PTPRS: variants seen among roughly 807,000 people sequenced by gnomAD.
PTPRS encodes the protein protein tyrosine phosphatase receptor type S.
PTPRS carries 63 observed loss-of-function variants against 215.3 expected under a neutral mutation model. The observed-to-expected ratio is 0.29, with a 90% CI of 0.24 to 0.36. The LOEUF (loss-of-function observed/expected upper bound fraction) is 0.36. PTPRS is among the 10% of genes least tolerant of loss of function. The pLI, the probability that PTPRS is intolerant of heterozygous loss-of-function variation, is 1.00. For missense variants in PTPRS, 2,258 were observed against 2,825.8 expected, an observed-to-expected ratio of 0.80 and a Z score of 4.56; for synonymous variants, 1,404 against 1,191.4, an observed-to-expected ratio of 1.18 and a Z score of -3.68.
chr19:5,217,383 C>T (rs1341651727), intron 25 of PTPRS, among the ~76,000 whole-genome samples: 3 of 151,992 alleles, frequency 2.0e-5, no homozygotes, highest in Non-Finnish European at 4.4e-5. Flanking sequence ...CAAAGCAACA[C>T]GAATCAGTAC....
intron 1 of PTPRS, among the ~76,000 whole-genome samples, chr19:5,308,583 CA>C (rs1435150240): frequency 6.6e-6 from 1 of 152,132 alleles, no homozygotes; most frequent in East Asian, 1.9e-4. Flanking sequence ...GACGCAGTCA[CA>C]GGGGCAGACT....
At position 5,339,734 on chromosome 19, in the gene PTPRS, G is replaced by A. The variant is rs925988003; in HGVS notation, c.-95+930C>T. The stretch of plus-strand genomic sequence containing the variant: ...CCTTTAACCCAGTGCCGACGGCCCC[G>A]CCCCCGGTATGACGTCACCTCCCCT... On this transcript the variant is annotated intron_variant, in intron 1 of 37. Coordinates refer to ENST00000262963, the MANE Select transcript of PTPRS (RefSeq NM_002850.4). This position sits in a 1 kb window ranked among gnomAD's most constrained non-coding sequence, Gnocchi z 4.2. Among the ~76,000 whole-genome samples, 5 of 151,700 alleles carry A rather than the reference G, an allele frequency of 3.3e-5. No individual in the cohort carries two copies. The highest frequency in any genetic ancestry group is 6.6e-5 in the Admixed American group (1 of 15,262).
chr19:5,278,249 C>T (rs906282028), intron 2 of PTPRS: 2 of 381,962 alleles, frequency 5.2e-6, no homozygotes, highest in Non-Finnish European at 4.8e-6. Context: ...GACAGGGACT[C>T]GCTCTTCTGC....
chr19:5,312,031 G>T (rs1395383292), intron 1 of PTPRS, among the ~76,000 whole-genome samples: 1 of 150,396 alleles, frequency 6.6e-6, no homozygotes, highest in Non-Finnish European at 1.5e-5. Flanking sequence ...GACACAGCGA[G>T]ACTCCGTCTC....
At chr19:5,332,051 G>A (rs1234351752) in intron 1 of PTPRS, among the ~76,000 whole-genome samples, 2 of 152,014 alleles carry the variant, frequency 1.3e-5, no homozygotes, top group African/African-American at 2.4e-5. Flanking sequence ...TGGGGAAGGG[G>A]TCAAAGTCCA....
chr19:5,228,113 C>G (rs989076428), intron 16 of PTPRS, among the ~76,000 whole-genome samples: 37 of 151,924 alleles, frequency 2.4e-4, no homozygotes, highest in Non-Finnish European at 5.3e-4. Context: ...GGAACATTCC[C>G]TCTAGATCCA....
At chr19:5,227,402 C>A (rs1315966220) in intron 16 of PTPRS, among the ~76,000 whole-genome samples, 1 of 129,498 alleles carries the variant, frequency 7.7e-6, no homozygotes, top group Non-Finnish European at 1.6e-5. Context: ...ATCCCCACCA[C>A]AGCTGTAACA....
intron 1 of PTPRS, among the ~76,000 whole-genome samples, chr19:5,336,000 T>C (rs1568627648): frequency 6.9e-6 from 1 of 144,990 alleles, no homozygotes; most frequent in Non-Finnish European, 1.5e-5. Context: ...GGCAGCTCCA[T>C]GGAGGAGGAG....
chr19:5,312,287 G>C (rs369748257), intron 1 of PTPRS, among the ~76,000 whole-genome samples: 1 of 152,298 alleles, frequency 6.6e-6, no homozygotes, highest in South Asian at 2.1e-4. Flanking sequence ...GTCAGTGAAA[G>C]AGCATGGCAG....
intron 1 of PTPRS, among the ~76,000 whole-genome samples, chr19:5,327,776 C>G (rs1429700461): frequency 4.0e-5 from 6 of 151,880 alleles, no homozygotes; most frequent in African/African-American, 1.4e-4. Context: ...AATTTTTTTA[C>G]TTTTTATAGA....
chr19:5,231,186 C>T lies in PTPRS; in HGVS notation c.2155+124G>A, dbSNP rs939941715. On this transcript the variant is annotated intron_variant, in intron 14 of 37. Coordinates refer to ENST00000262963, the MANE Select transcript of PTPRS (RefSeq NM_002850.4). ...GATTTCTCGGGGAGGCTGCTTGCTT[C>T]CCGACTTCCTCCGAGTGAGGCTTCC... 16 of 1,082,830 alleles carry T rather than the reference C, an allele frequency of 1.5e-5. No homozygotes were observed. The African/African-American group carries it at 2.2e-4, about 15-fold the overall frequency. 67.1% of individuals were successfully genotyped at this position (1,082,830 alleles called of 1,614,324 possible).
chr19:5,283,071 T>A (rs2048004617), intron 2 of PTPRS, among the ~76,000 whole-genome samples: 1 of 152,200 alleles, frequency 6.6e-6, no homozygotes, highest in East Asian at 1.9e-4. Context: ...TCCCGCTCCG[T>A]GGCCTGGCTT....
At chr19:5,223,536 C>T (rs1300574617) in intron 17 of PTPRS, among the ~76,000 whole-genome samples, 2 of 148,006 alleles carry the variant, frequency 1.4e-5, no homozygotes, top group African/African-American at 2.5e-5. Context: ...GATTATAAGG[C>T]CACTGCACCC....
intron 1 of PTPRS, among the ~76,000 whole-genome samples, chr19:5,340,175 C>G (rs1423923656): frequency 2.0e-5 from 3 of 151,122 alleles, no homozygotes; most frequent in Non-Finnish European, 4.4e-5. Flanking sequence ...CTCCGGGGCG[C>G]CCGCATGCCC....
At chr19:5,207,770 C>T in intron 37 of PTPRS, 152 bp downstream of exon 37, 1 of 1,163,684 alleles carries the variant, frequency 8.6e-7, no homozygotes, top group Non-Finnish European at 1.2e-6. Flanking sequence ...TTACTGGTCC[C>T]CTTCCAGTGC....
chr19:5,236,284 G>T (rs965831804), intron 13 of PTPRS, among the ~76,000 whole-genome samples: 3 of 152,216 alleles, frequency 2.0e-5, no homozygotes, highest in Non-Finnish European at 4.4e-5. Flanking sequence ...TACAGGTGAG[G>T]AAACTGAGGC....
intron 9 of PTPRS, among the ~76,000 whole-genome samples, chr19:5,248,813 C>A: frequency 6.6e-6 from 1 of 152,232 alleles, no homozygotes; most frequent in Non-Finnish European, 1.5e-5. Flanking sequence ...GGTCCCCCAT[C>A]CTCCTGGAGC....
chr19:5,274,959 C>T (rs186902579), intron 2 of PTPRS, among the ~76,000 whole-genome samples: 5 of 152,120 alleles, frequency 3.3e-5, no homozygotes, highest in Non-Finnish European at 7.4e-5. Context: ...GGGTCAGTGC[C>T]CAGGAGAGTG....
intron 2 of PTPRS, among the ~76,000 whole-genome samples, chr19:5,279,477 T>C (rs1405903290): frequency 6.6e-6 from 1 of 151,730 alleles, no homozygotes; most frequent in East Asian, 1.9e-4. Flanking sequence ...GCTCCAGGGA[T>C]CCTCTGGCCT....
Sources: gnomAD v4.1 joint callset for allele counts (sites outside exome capture counted in the v4.1 genomes callset) on GRCh38, gnomAD v4.1.1 for gene constraint, Gnocchi (gnomAD v3.1) non-coding constraint, MANE v1.5 for transcripts, NCBI Gene and HGNC (gene_info 2026-07-23, HGNC 2026-07-21) for gene names.